Variants in SIMC1 observed in about 807,000 individuals in gnomAD.
SIMC1 encodes SUMO-interacting motif-containing protein 1.
In SIMC1, 55 loss-of-function variants were observed where a neutral mutation model predicts 82.3. The ratio of observed to expected loss-of-function variants is 0.67; its 90% CI spans 0.54 to 0.84. SIMC1 has a LOEUF of 0.84. Among genes scored for constraint, SIMC1 ranks in the 40% least tolerant of loss-of-function variants. SIMC1 has a pLI of 0.00. For synonymous variants in SIMC1, 353 were observed against 426.3 expected, an observed-to-expected ratio of 0.83 and a Z score of 2.12; for missense variants, 915 against 1,107.2, an observed-to-expected ratio of 0.83 and a Z score of 2.46.
At chr5:176,339,082 G>A (rs1252037096) in intron 9 of SIMC1, among the ~76,000 whole-genome samples, 1 of 152,124 alleles carries the variant, frequency 6.6e-6, no homozygotes, top group Non-Finnish European at 1.5e-5. Context: ...GTACATTGTC[G>A]GCCAGGCATG....
intron 4 of SIMC1, among the ~76,000 whole-genome samples, chr5:176,305,139 G>GGGGGA: frequency 8.0e-6 from 1 of 125,766 alleles, no homozygotes; most frequent in East Asian, 2.6e-4. Flanking sequence ...ATCCAGGAGG[G>GGGGGA]GGGGGGGGTC....
chr5:176,263,946 A>G (rs1177711677), intron 1 of SIMC1, among the ~76,000 whole-genome samples: 1 of 152,262 alleles, frequency 6.6e-6, no homozygotes, highest in African/African-American at 2.4e-5. Context: ...CCATTCCAGA[A>G]GGAAAAAAAT....
intron 1 of SIMC1, among the ~76,000 whole-genome samples, chr5:176,250,106 C>T (rs1240230841): frequency 6.6e-6 from 1 of 152,108 alleles, no homozygotes; most frequent in Non-Finnish European, 1.5e-5. Context: ...CCCAGAGATT[C>T]TGGTACATTG....
In SIMC1 at chr5:176,324,762, G is replaced by C. The variant is rs370507574; in HGVS notation, c.2171+5G>C. 1.6e-4 allele frequency: 249 copies of C among 1,581,596 alleles called. No individual in the cohort carries two copies. The highest frequency in any genetic ancestry group is 2.0e-4 in the Non-Finnish European group (232 of 1,164,348). ...CATTCCTGAGAGGAGCCAGAGGTGA[G>C]TCTTGATTTTGTTGGGGAGAGCAGT... On this transcript the variant is annotated splice_donor_5th_base_variant and intron_variant, in intron 7 of 9. Transcript: ENST00000429602.
At chr5:176,330,431 C>A (rs1191463061) in intron 7 of SIMC1, among the ~76,000 whole-genome samples, 1 of 151,330 alleles carries the variant, frequency 6.6e-6, no homozygotes, top group East Asian at 1.9e-4. Flanking sequence ...ACCAGAATTC[C>A]TTGAAGGAAT....
chr5:176,280,839 C>G (rs1314678783), intron 1 of SIMC1, among the ~76,000 whole-genome samples: 1 of 152,156 alleles, frequency 6.6e-6, no homozygotes, highest in Non-Finnish European at 1.5e-5. Flanking sequence ...GGTAACCCGA[C>G]CTTTCTCTCT....
chr5:176,275,921 G>A (rs1431351495), intron 1 of SIMC1, among the ~76,000 whole-genome samples: 4 of 151,654 alleles, frequency 2.6e-5, no homozygotes, highest in African/African-American at 4.8e-5. Flanking sequence ...AAGGATATTG[G>A]TCTAAAATTC....
chr5:176,256,733 T>C (rs1761860669), intron 1 of SIMC1, among the ~76,000 whole-genome samples: 1 of 152,172 alleles, frequency 6.6e-6, no homozygotes, highest in Non-Finnish European at 1.5e-5. Flanking sequence ...AAAACAATTA[T>C]CTTTTCTCCA....
At chr5:176,302,716 T>C (rs1487563148) in intron 4 of SIMC1, among the ~76,000 whole-genome samples, 2 of 150,814 alleles carry the variant, frequency 1.3e-5, no homozygotes, top group Non-Finnish European at 3.0e-5. Flanking sequence ...AAAACAGCAG[T>C]ATATAAAACC....
chr5:176,274,947 C>G (rs1306648712), intron 1 of SIMC1, among the ~76,000 whole-genome samples: 1 of 151,848 alleles, frequency 6.6e-6, no homozygotes, highest in Non-Finnish European at 1.5e-5. Flanking sequence ...TTAGGATTGA[C>G]TTGGCGATGT....
rs902005504 is a variant in SIMC1, at chr5:176,296,335, A to G, written c.1734+15A>G. 1.5e-5 allele frequency: 24 copies of G among 1,613,086 alleles called. No individual in the cohort carries two copies. The highest frequency in any genetic ancestry group is 2.0e-5 in the Non-Finnish European group (24 of 1,179,336). ...TGGAGGAAGAGGTAACAACAATTAT[A>G]AGATTATATCTTCTGTAGGGGAAGT... On this transcript the variant is annotated intron_variant, in intron 4 of 9. Transcript: ENST00000429602.
chr5:176,334,549 A>C (rs1403282316), intron 7 of SIMC1, among the ~76,000 whole-genome samples: 1 of 152,122 alleles, frequency 6.6e-6, no homozygotes, highest in African/African-American at 2.4e-5. Flanking sequence ...GCTGTTCTCC[A>C]CCAGGCTTTT....
At chr5:176,247,602 C>G (rs1486752395) in intron 1 of SIMC1, among the ~76,000 whole-genome samples, 1 of 152,164 alleles carries the variant, frequency 6.6e-6, no homozygotes, top group South Asian at 2.1e-4. Context: ...TGCAGAAGCT[C>G]TTTGGTTTAA....
chr5:176,323,084 G>A (rs1765232838), intron 6 of SIMC1, among the ~76,000 whole-genome samples: 1 of 152,174 alleles, frequency 6.6e-6, no homozygotes, highest in Admixed American at 6.5e-5. Flanking sequence ...TAACATTTGT[G>A]TCTGAATTCA....
chr5:176,286,988 T>G (rs993326327), intron 1 of SIMC1, among the ~76,000 whole-genome samples: 39 of 152,194 alleles, frequency 2.6e-4, no homozygotes, highest in Non-Finnish European at 4.9e-4. Flanking sequence ...GACAGGTGCT[T>G]GAGAGGATGT....
At chr5:176,268,984 A>G (rs1203165548) in intron 1 of SIMC1, among the ~76,000 whole-genome samples, 1 of 152,214 alleles carries the variant, frequency 6.6e-6, no homozygotes, top group Non-Finnish European at 1.5e-5. Context: ...GACCATAATG[A>G]AAGTAAATTT....
chr5:176,278,973 T>A (rs2113213304), intron 1 of SIMC1, among the ~76,000 whole-genome samples: 1 of 152,280 alleles, frequency 6.6e-6, no homozygotes, highest in South Asian at 2.1e-4. Flanking sequence ...ATAAAATGAG[T>A]TAGGAAGGAT....
intron 7 of SIMC1, among the ~76,000 whole-genome samples, chr5:176,328,663 T>C (rs756881676): frequency 2.6e-5 from 4 of 152,130 alleles, no homozygotes; most frequent in Middle Eastern, 3.4e-3. Flanking sequence ...ACTCAAAAAA[T>C]CAAGTTCACA....
intron 5 of SIMC1, among the ~76,000 whole-genome samples, chr5:176,316,871 C>T (rs1764935796): frequency 6.6e-6 from 1 of 152,040 alleles, no homozygotes; most frequent in African/African-American, 2.4e-5. Flanking sequence ...TCTGTAATCC[C>T]AGCTACTTGG....
Sources: allele counts gnomAD v4.1 joint callset (sites outside exome capture counted in the v4.1 genomes callset), GRCh38; gene constraint gnomAD v4.1.1; transcripts MANE v1.5; gene names NCBI Gene and HGNC (gene_info 2026-07-23, HGNC 2026-07-21).